Variants in FGF9 observed in about 807,000 individuals in gnomAD.
FGF9 encodes the protein fibroblast growth factor 9 (glia-activating factor).
In FGF9, 3 loss-of-function variants were observed where a neutral mutation model predicts 19.9. The observed-to-expected ratio is 0.15, with a 90% CI of 0.07 to 0.39. FGF9 has a LOEUF of 0.39. Ranked by LOEUF, FGF9 falls within the 10% of genes least tolerant of loss-of-function variation. The pLI is 1.00. For synonymous variants in FGF9, 107 were observed against 106.9 expected (o/e 1.00, Z -0.01); for missense variants, 175 against 256.8 (o/e 0.68, Z 2.18).
At position 21,672,263 on chromosome 13, in the gene FGF9, CGG is replaced by C. The variant is rs566731942; in HGVS notation, c.277+76_277+77del. On this transcript the variant is annotated intron_variant, in intron 1 of 2. Coordinates refer to ENST00000382353, the MANE Select transcript of FGF9 (RefSeq NM_002010.3). The surrounding 1 kb of genome is among the most constrained non-coding windows in gnomAD (Gnocchi z 4.2). ...TTATAACTACCAAGAAGGTGGTGGCCGGGTGGGGGACGTGGGAAGGGTTCTCC... is the reference window on the plus strand; with the variant it reads ...TTATAACTACCAAGAAGGTGGTGGCCGTGGGGGACGTGGGAAGGGTTCTCC... 3.4e-4 allele frequency: 528 copies of C among 1,545,984 alleles called. 9 individuals carry two copies. In the South Asian group the frequency reaches 5.6e-3, roughly 16 times the overall value.
At chr13:21,675,005 C>G (rs12430456) in intron 1 of FGF9, among the ~76,000 whole-genome samples, 112,614 of 134,960 alleles carry the variant, frequency 0.83, 45,530 homozygotes, top group East Asian at 1. Context: ...TACAGTGTTG[C>G]GGGGGATGTG....
rs1256246786 is a variant in FGF9, at chr13:21,703,600, G to A, written c.*2165G>A. On this transcript the variant is annotated 3_prime_UTR_variant, in exon 3 of 3. Transcript: ENST00000382353. ...TTTAACCCTTTGCTGCTGCTAAAAT[G>A]TGCACATATTCAGGCTTTAGTTTTT... 1 of 151,924 alleles carries A rather than the reference G, an allele frequency of 6.6e-6. No individual in the cohort carries two copies. The highest frequency in any genetic ancestry group is 2.4e-5 in the African/African-American group (1 of 41,336). The allele number at this position is 151,924 out of a possible 1,614,324, so 9.4% of individuals were successfully genotyped here.
rs1871763675 is a variant in FGF9, at chr13:21,671,405, G to C, written c.-508G>C. Reference sequence around the variant, plus strand: ...TTTTTCCCCTTGAAGGATTCATGCTGATGTCTGCAGAGTCGGTTAGAGAGT... The same window carrying C: ...TTTTTCCCCTTGAAGGATTCATGCTCATGTCTGCAGAGTCGGTTAGAGAGT... On this transcript the variant is annotated 5_prime_UTR_variant, in exon 1 of 3. Transcript: ENST00000382353. 2.5e-6 allele frequency: 1 copy of C among 399,468 alleles called. No homozygotes were observed. The highest frequency in any genetic ancestry group is 4.4e-6 in the Non-Finnish European group (1 of 227,224). The allele number at this position is 399,468 out of a possible 1,614,324, so 24.7% of individuals were successfully genotyped here.
intron 2 of FGF9, among the ~76,000 whole-genome samples, chr13:21,685,226 CTCA>C (rs1467200838): frequency 4.6e-5 from 7 of 152,054 alleles, no homozygotes; most frequent in African/African-American, 1.7e-4. Flanking sequence ...AGAAACTGAT[CTCA>C]TTACGAAAGA....
At chr13:21,692,208 GT>G (rs1872308219) in intron 2 of FGF9, among the ~76,000 whole-genome samples, 1 of 152,148 alleles carries the variant, frequency 6.6e-6, no homozygotes, top group African/African-American at 2.4e-5. Context: ...ATAATCAGCT[GT>G]CCGCTCTCAG....
chr13:21,699,458 G>C (rs1428186466), intron 2 of FGF9, among the ~76,000 whole-genome samples: 1 of 152,222 alleles, frequency 6.6e-6, no homozygotes, highest in Non-Finnish European at 1.5e-5. Flanking sequence ...AAGAGCACTT[G>C]TCAGGAAGTG....
intron 1 of FGF9, among the ~76,000 whole-genome samples, chr13:21,673,167 T>A (rs1022491171): frequency 9.3e-5 from 14 of 150,936 alleles, no homozygotes; most frequent in Non-Finnish European, 1.6e-4. Flanking sequence ...AAAAAAAAAA[T>A]AAGCGCCAGT....
intron 2 of FGF9, among the ~76,000 whole-genome samples, chr13:21,697,580 C>A (rs191275265): frequency 9.9e-5 from 15 of 152,208 alleles, no homozygotes; most frequent in Admixed American, 8.5e-4. Flanking sequence ...AATTTCTTAG[C>A]ATATTTACTT....
chr13:21,677,941 C>T (rs1565948879), intron 1 of FGF9, among the ~76,000 whole-genome samples: 1 of 152,170 alleles, frequency 6.6e-6, no homozygotes, highest in Non-Finnish European at 1.5e-5. Flanking sequence ...CCCAGATGAG[C>T]TGCCCATCTT....
intron 2 of FGF9, chr13:21,681,370 C>G: frequency 2.4e-6 from 1 of 411,792 alleles, no homozygotes; most frequent in Non-Finnish European, 4.4e-6. Flanking sequence ...ATATGCCAAA[C>G]CATCTTAATT....
At chr13:21,682,694 G>GT (rs35215268) in intron 2 of FGF9, among the ~76,000 whole-genome samples, 36,394 of 123,698 alleles carry the variant, frequency 0.29, 5,154 homozygotes, top group East Asian at 0.4. Context: ...CACAACTTCA[G>GT]TTTTTTTTTT....
chr13:21,688,059 A>T (rs1872201541), intron 2 of FGF9, among the ~76,000 whole-genome samples: 2 of 152,178 alleles, frequency 1.3e-5, no homozygotes, highest in Admixed American at 1.3e-4. Context: ...ACGGAGGCCA[A>T]CCCATGCAGT....
At chr13:21,700,302 G>C (rs766275913) in intron 2 of FGF9, among the ~76,000 whole-genome samples, 4 of 152,082 alleles carry the variant, frequency 2.6e-5, no homozygotes, top group Admixed American at 6.5e-5. Flanking sequence ...TTGCTTTTAC[G>C]TTGGATTCAG....
chr13:21,701,559 C>A lies in FGF9; in HGVS notation c.*124C>A, dbSNP rs886050045. 41 of 1,343,824 alleles carry A rather than the reference C, an allele frequency of 3.1e-5. No individual in the cohort carries two copies. Among genetic ancestry groups the A allele is most frequent in the Non-Finnish European group, 4.1e-5 (39 of 941,632 alleles). The allele number at this position is 1,343,824 out of a possible 1,614,324, so 83.2% of individuals were successfully genotyped here. On this transcript the variant is annotated 3_prime_UTR_variant, in exon 3 of 3. Coordinates refer to ENST00000382353, the MANE Select transcript of FGF9 (RefSeq NM_002010.3). ...CACTGTTGCCAAACTTTGTCGCATG[C>A]ATAATGTATGATGGAGGCTTGGATG...
chr13:21,695,896 C>T (rs148415796), intron 2 of FGF9, among the ~76,000 whole-genome samples: 109 of 152,250 alleles, frequency 7.2e-4, no homozygotes, highest in African/African-American at 2.4e-3. Context: ...GTAGTCTAAG[C>T]GGCCCATTGA....
Position 21,688,752 on chromosome 13 carries a change from ATT to A in FGF9, c.381+7622_381+7623del, listed in dbSNP as rs56274891. Among the ~76,000 whole-genome samples, 937 of 139,952 alleles carry A rather than the reference ATT, an allele frequency of 6.7e-3. 11 individuals carry two copies. The highest frequency in any genetic ancestry group is 0.024 in the African/African-American group (886 of 37,632). The allele number at this position is 139,952 out of a possible 152,430, so 91.8% of individuals were successfully genotyped here. On this transcript the variant is annotated intron_variant, in intron 2 of 2. Coordinates refer to ENST00000382353, the MANE Select transcript of FGF9 (RefSeq NM_002010.3). ...TCTTACACAGATGTGATTTTGGAGG[ATT>A]TTTTTTTTTTTTTTCCAGTAGCCTA...
chr13:21,684,455 G>A (rs1381427251), intron 2 of FGF9, among the ~76,000 whole-genome samples: 1 of 152,162 alleles, frequency 6.6e-6, no homozygotes, highest in African/African-American at 2.4e-5. Flanking sequence ...TGGATGCATA[G>A]ATGTGGCCTC....
At chr13:21,692,904 C>T (rs1872324623) in intron 2 of FGF9, among the ~76,000 whole-genome samples, 1 of 152,214 alleles carries the variant, frequency 6.6e-6, no homozygotes, top group African/African-American at 2.4e-5. Context: ...ACTTTATTCT[C>T]ATGTGCTGCT....
In FGF9 at chr13:21,671,568, G is replaced by T. The variant is rs997274754; in HGVS notation, c.-345G>T. 3 of 496,826 alleles carry T rather than the reference G, an allele frequency of 6.0e-6. No individual in the cohort carries two copies. Among genetic ancestry groups the T allele is most frequent in the Non-Finnish European group, 1.1e-5 (3 of 284,114 alleles). The allele number at this position is 496,826 out of a possible 1,614,324, so 30.8% of individuals were successfully genotyped here. On this transcript the variant is annotated 5_prime_UTR_variant, in exon 1 of 3. Transcript: ENST00000382353. ...ATCTCAAACCAAATGGAGAAACTAC[G>T]GATTTTTTTTCCTTATTACGGTCGG...
Sources: gnomAD v4.1 joint callset for allele counts (sites outside exome capture counted in the v4.1 genomes callset) on GRCh38, gnomAD v4.1.1 for gene constraint, Gnocchi (gnomAD v3.1) non-coding constraint, MANE v1.5 for transcripts, NCBI Gene and HGNC (gene_info 2026-07-23, HGNC 2026-07-21) for gene names.